Variants in DSG4 observed in about 807,000 individuals in gnomAD.
DSG4 encodes desmoglein 4, also known as desmoglein-4.
DSG4 carries 87 observed loss-of-function variants against 93.1 expected under a neutral mutation model. The ratio of observed to expected loss-of-function variants is 0.93; its 90% CI spans 0.79 to 1.12. The LOEUF (loss-of-function observed/expected upper bound fraction) is 1.12. Ranked by LOEUF, DSG4 falls within the 50% of genes most tolerant of loss-of-function variation. The pLI, the probability that DSG4 is intolerant of heterozygous loss-of-function variation, is 0.00. For synonymous variants in DSG4, 432 were observed against 452.9 expected (o/e 0.95, Z 0.59); for missense variants, 1,373 against 1,285.7 (o/e 1.07, Z -1.04).
intron 9 of DSG4, among the ~76,000 whole-genome samples, chr18:31,400,242 G>C (rs2144197194): frequency 6.6e-6 from 1 of 152,314 alleles, no homozygotes; most frequent in Non-Finnish European, 1.5e-5. Flanking sequence ...GATGTTCACA[G>C]TTTTAGTTAT....
rs779275029 is a variant in DSG4 at position 31,391,150 on chromosome 18, T to A, written c.757T>A (p.Cys253Ser). 5.0e-6 allele frequency: 8 copies of A among 1,613,764 alleles called. No homozygotes were observed. The Admixed American group carries it at 1.3e-4, about 27-fold the overall frequency. ...DGAADGLSSE[C>S]DCRIKVLDVN... ...AGCTGCAGATGGACTGTCTTCTGAG[T>A]GTGACTGTAGAATCAAGGTTTTAGA... The change falls in exon 7 of 16, where the codon TGT (cysteine) becomes AGT (serine). Residue 253 changes from cysteine to serine, a missense_variant. Coordinates refer to ENST00000308128, the MANE Select transcript of DSG4 (RefSeq NM_177986.5).
Position 31,409,561 on chromosome 18 carries a change from G to T in DSG4, c.2043G>T (p.Trp681Cys). The T allele has an allele frequency of 6.2e-7, 1 of 1,614,178 alleles. No individual in the cohort carries two copies. The highest frequency in any genetic ancestry group is 8.5e-7 in the Non-Finnish European group (1 of 1,180,024). ...PEGGEGVMQS[W>C]RIEGAHPEDR... ...GCGGAGAAGGAGTGATGCAGTCTTG[G>T]AGAATTGAAGGGGCCCATCCCGAGG... is the stretch of plus-strand genomic sequence containing the variant. Residue 681 changes from tryptophan (W) to cysteine (C), a missense_variant, in exon 13 of 16, where the codon TGG (tryptophan) becomes TGT (cysteine). Physicochemically the swap from Trp to Cys is radical, Grantham distance 215 (BLOSUM62 -2). Transcript: ENST00000308128.
At chr18:31,378,506 A>C (rs1293133894) in intron 1 of DSG4, among the ~76,000 whole-genome samples, 3 of 152,198 alleles carry the variant, frequency 2.0e-5, no homozygotes, top group African/African-American at 7.2e-5. Flanking sequence ...TTAATTGAAG[A>C]GTTGATTCTT....
chr18:31,390,315 G>A (rs1052227160), intron 5 of DSG4, among the ~76,000 whole-genome samples: 1 of 151,846 alleles, frequency 6.6e-6, no homozygotes, highest in Non-Finnish European at 1.5e-5. Flanking sequence ...CAAGACCATG[G>A]CAAAAAATAA....
intron 12 of DSG4, among the ~76,000 whole-genome samples, chr18:31,408,361 G>C (rs1388150742): frequency 1.3e-5 from 2 of 152,188 alleles, no homozygotes; most frequent in Non-Finnish European, 2.9e-5. Flanking sequence ...CAGAAATATA[G>C]AATAGGCAGA....
chr18:31,391,240 T>C (rs2072245892), intron 7 of DSG4, 28 bp downstream of exon 7: 2 of 1,612,766 alleles, frequency 1.2e-6, no homozygotes, highest in South Asian at 2.2e-5. Flanking sequence ...TCTTCCTTTT[T>C]CCATAAGTGT....
At chr18:31,378,011 C>A (rs1598731065) in intron 1 of DSG4, among the ~76,000 whole-genome samples, 1 of 152,132 alleles carries the variant, frequency 6.6e-6, no homozygotes, top group Non-Finnish European at 1.5e-5. Context: ...CCAAGAGGCA[C>A]AGTGAGAGCT....
intron 6 of DSG4, 23 bp from the exon 7 acceptor site, chr18:31,391,055 C>G: frequency 1.9e-6 from 3 of 1,613,098 alleles, no homozygotes; most frequent in East Asian, 4.5e-5. Flanking sequence ...CTAAGTCTTA[C>G]GTTCTTTTTC....
chr18:31,411,253 A>G lies in DSG4; in HGVS notation c.2160A>G (p.Ala720=). Reference sequence around the variant, plus strand: ...CAGAAATCTACACCAACACCTATGCAGCCGGGGGCACGGTGGAAGGAGGTG... The same window carrying G: ...CAGAAATCTACACCAACACCTATGCGGCCGGGGGCACGGTGGAAGGAGGTG... ...DSSEIYTNTY[A]AGGTVEGGVS... Residue 720 remains alanine, a synonymous_variant, in exon 15 of 16, where the codon GCA becomes GCG. Coordinates refer to ENST00000308128, the MANE Select transcript of DSG4 (RefSeq NM_177986.5). 6.2e-7 allele frequency: 1 copy of G among 1,613,850 alleles called. No individual in the cohort carries two copies. The highest frequency in any genetic ancestry group is 8.5e-7 in the Non-Finnish European group (1 of 1,180,030).
chr18:31,403,899 G>A (rs2072397634), intron 11 of DSG4, among the ~76,000 whole-genome samples: 1 of 152,034 alleles, frequency 6.6e-6, no homozygotes, highest in African/African-American at 2.4e-5. Flanking sequence ...ATTTTGAGTA[G>A]GTAAAACGTT....
intron 7 of DSG4, 149 bp from the exon 8 acceptor site, chr18:31,392,006 A>C (rs967997684): frequency 1.5e-6 from 1 of 684,516 alleles, no homozygotes; most frequent in African/African-American, 1.8e-5. Flanking sequence ...TTTTATTCTT[A>C]TTCTCCTGAT....
intron 2 of DSG4, 88 bp from the exon 3 acceptor site, chr18:31,386,600 C>T (rs931524760): frequency 7.0e-6 from 11 of 1,566,802 alleles, no homozygotes; most frequent in Non-Finnish European, 9.6e-6. Context: ...ACTGTTTCTT[C>T]TAAATGCACC....
At position 31,392,341 on chromosome 18, in the gene DSG4, G is replaced by A. The variant is rs774592364; in HGVS notation, c.1005+1G>A. 2.3e-5 allele frequency: 37 copies of A among 1,613,360 alleles called. No individual in the cohort carries two copies. Among genetic ancestry groups the A allele is most frequent in the Non-Finnish European group, 3.0e-5 (35 of 1,179,648 alleles). ...TGAAGGCATTTTGAAAGTTGTCAAG[G>A]TACAGTATAAGGATCTGCAATATTT... On this transcript the variant is annotated splice_donor_variant, in intron 8 of 15. Transcript: ENST00000308128. LOFTEE classifies it high-confidence loss of function.
Position 31,413,156 on chromosome 18 carries a change from C to T in DSG4, c.2684C>T (p.Ala895Val), listed in dbSNP as rs1401384573. 2 of 1,614,112 alleles carry T rather than the reference C, an allele frequency of 1.2e-6. No homozygotes were observed. The highest frequency in any genetic ancestry group is 1.7e-6 in the Non-Finnish European group (2 of 1,180,018). The change falls in exon 16 of 16, where the codon GCA becomes GTA. Residue 895 changes from alanine to valine, a missense_variant. By Grantham distance (64) the Ala-to-Val change is moderately conservative. Transcript: ENST00000308128. Reference protein sequence around the residue: ...PSEVEFQEEMAASEPVVHGDI... With the variant: ...PSEVEFQEEMVASEPVVHGDI... ...GAAGTTGAATTCCAAGAAGAAATGG[C>T]AGCATCTGAACCCGTGGTCCATGGG... is the stretch of plus-strand genomic sequence containing the variant.
intron 9 of DSG4, 60 bp downstream of exon 9, chr18:31,399,603 G>C: frequency 6.2e-7 from 1 of 1,605,192 alleles, no homozygotes; most frequent in Non-Finnish European, 8.5e-7. Context: ...CATGTAGCAT[G>C]CGCTAATATA....
chr18:31,409,380 A>G, intron 12 of DSG4, 72 bp from the exon 13 acceptor site: 1 of 1,609,458 alleles, frequency 6.2e-7, no homozygotes. Flanking sequence ...AATGCTCCCC[A>G]GAATGATTCA....
intron 14 of DSG4, among the ~76,000 whole-genome samples, chr18:31,410,891 A>C (rs986699596): frequency 6.6e-6 from 1 of 152,140 alleles, no homozygotes; most frequent in African/African-American, 2.4e-5. Context: ...CTTGCTTTGG[A>C]GGGCTCCCGG....
intron 8 of DSG4, among the ~76,000 whole-genome samples, chr18:31,394,490 T>A (rs550453915): frequency 1.3e-5 from 2 of 152,222 alleles, no homozygotes; most frequent in Non-Finnish European, 2.9e-5. Flanking sequence ...GGCAGGAGAA[T>A]CGCTTGAACC....
intron 1 of DSG4, among the ~76,000 whole-genome samples, chr18:31,383,584 C>T (rs2072158138): frequency 6.6e-6 from 1 of 151,666 alleles, no homozygotes. Flanking sequence ...GTTTAAAATA[C>T]TAGAGTTTTA....
Sources: gnomAD v4.1 joint callset for allele counts (sites outside exome capture counted in the v4.1 genomes callset) on GRCh38, gnomAD v4.1.1 for gene constraint, MANE v1.5 for transcripts, NCBI Gene and HGNC (gene_info 2026-07-23, HGNC 2026-07-21) for gene names.